Variants in SMARCAD1 observed in about 807,000 individuals in gnomAD.
The protein encoded by SMARCAD1 is SNF2 related chromatin remodeling ATPase with DExD box 1.
Under a neutral mutation model 127.1 loss-of-function variants are expected in SMARCAD1, and 25 were observed. That is an observed-to-expected ratio of 0.20 (90% confidence interval 0.14 to 0.27). The LOEUF is 0.27. Ranked by LOEUF, SMARCAD1 falls within the 10% of genes least tolerant of loss-of-function variation. The pLI is 1.00. For synonymous variants in SMARCAD1, 400 were observed against 396.9 expected (o/e 1.01, Z -0.09); for missense variants, 807 against 1,206.0 (o/e 0.67, Z 4.90).
chr4:94,245,642 C>T (rs1003617242), intron 6 of SMARCAD1, among the ~76,000 whole-genome samples: 1 of 152,208 alleles, frequency 6.6e-6, no homozygotes, highest in Non-Finnish European at 1.5e-5. Context: ...TACAATAACT[C>T]GTAAGCTGTA....
At position 94,226,315 on chromosome 4, in the gene SMARCAD1, A is replaced by G. The variant is rs1245685950; in HGVS notation, c.368+19A>G. The G allele has an allele frequency of 1.3e-6, 2 of 1,593,366 alleles. No individual in the cohort carries two copies. The highest frequency in any genetic ancestry group is 8.6e-7 in the Non-Finnish European group (1 of 1,162,752). On this transcript the variant is annotated intron_variant, in intron 3 of 23. Transcript: ENST00000354268. ...TTATAGTGTAAGCTGATTAATAGAT[A>G]TATTGTATTTGCATGTGTGTGAGAT...
At chr4:94,255,595 A>G (rs963518964) in intron 9 of SMARCAD1, among the ~76,000 whole-genome samples, 3 of 151,908 alleles carry the variant, frequency 2.0e-5, no homozygotes, top group African/African-American at 7.2e-5. Context: ...TATACTTATT[A>G]ATATTACCTA....
chr4:94,217,475 G>T (rs1276867824), intron 2 of SMARCAD1, among the ~76,000 whole-genome samples: 1 of 152,044 alleles, frequency 6.6e-6, no homozygotes, highest in Admixed American at 6.6e-5. Flanking sequence ...TGACCTGAAA[G>T]TTGTTTAGAA....
intron 3 of SMARCAD1, among the ~76,000 whole-genome samples, chr4:94,230,184 A>G (rs1745614983): frequency 6.6e-6 from 1 of 152,156 alleles, no homozygotes; most frequent in Non-Finnish European, 1.5e-5. Flanking sequence ...TCAAAACTCT[A>G]CAAAGGATAT....
intron 19 of SMARCAD1, among the ~76,000 whole-genome samples, 197 bp from the exon 20 acceptor site, chr4:94,280,395 A>C (rs777217945): frequency 2.0e-5 from 3 of 152,134 alleles, no homozygotes; most frequent in Non-Finnish European, 4.4e-5. Flanking sequence ...TTAGTATGTT[A>C]TCTCTCAAAC....
rs201064800 is a variant in SMARCAD1, at chr4:94,281,618, A to G, written c.2726+28A>G. 7.7e-5 allele frequency: 100 copies of G among 1,306,270 alleles called. No homozygotes were observed. The East Asian group carries it at 9.9e-4, about 13-fold the overall frequency. 80.9% of individuals were successfully genotyped at this position (1,306,270 alleles called of 1,614,324 possible). A position where few individuals can be genotyped will look rare whatever the true frequency, so the allele number is the denominator to read the frequency against. On this transcript the variant is annotated intron_variant, in intron 21 of 23. Transcript: ENST00000354268. ...TGGTATAATTCATGTTAGTTACAAA[A>G]AAATAACTCATTTATTATTATTGTT...
In SMARCAD1 at chr4:94,208,489, C is replaced by T. The variant is rs908180052; in HGVS notation, c.95C>T (p.Pro32Leu). Reference sequence around the variant, plus strand: ...ACCCCTCAACCTTCCCAGCCTGGCCCTTCTTCACCAATTTCTCTTAGTGCT... The same window carrying T: ...ACCCCTCAACCTTCCCAGCCTGGCCTTTCTTCACCAATTTCTCTTAGTGCT... ...EATPQPSQPG[P>L]SSPISLSAEE... Residue 32 changes from proline to leucine, a missense_variant, in exon 2 of 24, where the codon CCT becomes CTT. By Grantham distance (98) the Pro-to-Leu change is moderately conservative. Transcript: ENST00000354268. The T allele has an allele frequency of 3.7e-6, 6 of 1,613,980 alleles. No homozygotes were observed. Among genetic ancestry groups the T allele is most frequent in the Non-Finnish European group, 4.2e-6 (5 of 1,180,014 alleles).
At chr4:94,216,206 C>G (rs1337238639) in intron 2 of SMARCAD1, among the ~76,000 whole-genome samples, 1 of 152,106 alleles carries the variant, frequency 6.6e-6, no homozygotes, top group Non-Finnish European at 1.5e-5. Flanking sequence ...ACCTAATACC[C>G]CTTCCTCCCT....
chr4:94,247,658 T>A (rs1339101038), intron 6 of SMARCAD1, among the ~76,000 whole-genome samples: 1 of 152,170 alleles, frequency 6.6e-6, no homozygotes, highest in East Asian at 1.9e-4. Flanking sequence ...AATAGCATGC[T>A]ATACCCATTA....
intron 12 of SMARCAD1, among the ~76,000 whole-genome samples, chr4:94,274,300 G>A (rs1183077180): frequency 3.3e-5 from 5 of 151,834 alleles, no homozygotes; most frequent in Admixed American, 1.3e-4. Context: ...AAAAACAATC[G>A]CCATGGTATT....
chr4:94,254,566 G>A lies in SMARCAD1; in HGVS notation c.1281+1559G>A, dbSNP rs536855066. On this transcript the variant is annotated intron_variant, in intron 9 of 23. Coordinates refer to ENST00000354268, the MANE Select transcript of SMARCAD1 (RefSeq NM_020159.5). ...TTTCCCCTACTAATTAATCAGCAGA[G>A]TTTAAATTAGTCTTGACATGAATTT... 7.9e-5 allele frequency among the ~76,000 whole-genome samples: 12 copies of A among 152,100 alleles called. No individual in the cohort carries two copies. The South Asian group carries it at 1.0e-3, about 13-fold the overall frequency.
At chr4:94,251,624 A>G (rs976159255) in intron 8 of SMARCAD1, among the ~76,000 whole-genome samples, 9 of 152,286 alleles carry the variant, frequency 5.9e-5, no homozygotes, top group African/African-American at 1.4e-4. Flanking sequence ...CTTATTTTTT[A>G]TAAATGCACA....
At position 94,249,706 on chromosome 4, in the gene SMARCAD1, A is replaced by T; in HGVS notation, c.758A>T (p.Glu253Val). The change falls in exon 7 of 24, where the codon GAA (glutamate) becomes GTA (valine). Residue 253 changes from glutamate (E) to valine (V), a missense_variant. Glu to Val is a moderately radical substitution (Grantham distance 121). Coordinates refer to ENST00000354268, the MANE Select transcript of SMARCAD1 (RefSeq NM_020159.5). ...TCTAGCAGTAATTGGGAAAAGCAGG[A>T]AAGTATTGTACTGAAATTGCAAAAG... Reference protein sequence around the residue: ...AESSSNWEKQESIVLKLQKEF... With the variant: ...AESSSNWEKQVSIVLKLQKEF... The T allele has an allele frequency of 1.2e-6, 2 of 1,610,738 alleles. No homozygotes were observed. The highest frequency in any genetic ancestry group is 1.7e-6 in the Non-Finnish European group (2 of 1,177,250).
At chr4:94,246,726 T>C (rs1748483587) in intron 6 of SMARCAD1, among the ~76,000 whole-genome samples, 1 of 152,178 alleles carries the variant, frequency 6.6e-6, no homozygotes, top group Non-Finnish European at 1.5e-5. Flanking sequence ...GATGTCAGTA[T>C]AGTGGATCAA....
intron 5 of SMARCAD1, 24 bp from the exon 6 acceptor site, chr4:94,240,882 G>T: frequency 1.3e-6 from 2 of 1,574,040 alleles, no homozygotes; most frequent in South Asian, 2.2e-5. Context: ...TGCAAAGTTT[G>T]AGTGTGCTGC....
At chr4:94,249,604 T>G in intron 6 of SMARCAD1, 50 bp from the exon 7 acceptor site, 1 of 953,048 alleles carries the variant, frequency 1.0e-6, no homozygotes, top group Non-Finnish European at 1.7e-6. Flanking sequence ...CTTAAGACCA[T>G]TGTTATTGAT....
rs200474815 is a variant in SMARCAD1, at chr4:94,226,552, ATACT to A, written c.368+259_368+262del. Among the ~76,000 whole-genome samples the A allele has an allele frequency of 7.4e-3, 1,084 of 145,926 alleles. 8 individuals are homozygous for A. The highest frequency in any genetic ancestry group is 0.026 in the African/African-American group (1,015 of 39,274). On this transcript the variant is annotated intron_variant, in intron 3 of 23. Coordinates refer to ENST00000354268, the MANE Select transcript of SMARCAD1 (RefSeq NM_020159.5). Reference sequence around the variant, plus strand: ...TTGATAACAGTGATTTTGAGAGCAGATACTTAATTTCCTTATTATGGAAGTTTAA... The same window carrying A: ...TTGATAACAGTGATTTTGAGAGCAGATAATTTCCTTATTATGGAAGTTTAA...
chr4:94,224,167 A>C (rs1343392298), intron 2 of SMARCAD1, among the ~76,000 whole-genome samples: 1 of 152,166 alleles, frequency 6.6e-6, no homozygotes, highest in East Asian at 1.9e-4. Flanking sequence ...ATTCCACTAC[A>C]GAGTTGTTTG....
rs775464725 is a variant in SMARCAD1 at position 94,290,096 on chromosome 4, A to G, written c.*562A>G. ...AACCTGAATTTAAAGGTGGCATTCC[A>G]TATACTAACATCCCCCAGGTCCTCT... On this transcript the variant is annotated 3_prime_UTR_variant, in exon 24 of 24. Coordinates refer to ENST00000354268, the MANE Select transcript of SMARCAD1 (RefSeq NM_020159.5). 1.1e-4 allele frequency: 50 copies of G among 454,406 alleles called. No individual in the cohort carries two copies. The highest frequency in any genetic ancestry group is 6.8e-4 in the Middle Eastern group (1 of 1,466). 28.1% of individuals were successfully genotyped at this position (454,406 alleles called of 1,614,324 possible). A position where few individuals can be genotyped will look rare whatever the true frequency, so the allele number is the denominator to read the frequency against.
Sources: allele counts gnomAD v4.1 joint callset (sites outside exome capture counted in the v4.1 genomes callset), GRCh38; gene constraint gnomAD v4.1.1; transcripts MANE v1.5; gene names NCBI Gene and HGNC (gene_info 2026-07-23, HGNC 2026-07-21).